The following MYH10 variants were observed in gnomAD, a reference collection of about 807,000 sequenced individuals.
MYH10 encodes myosin heavy chain 10.
MYH10 carries 55 observed loss-of-function variants against 257.8 expected under a neutral mutation model. The ratio of observed to expected loss-of-function variants is 0.21; its 90% confidence interval spans 0.17 to 0.27. The LOEUF is 0.27. Ranked by LOEUF, MYH10 falls within the 10% of genes least tolerant of loss-of-function variation. The probability of loss-of-function intolerance (pLI) is 1.00; values close to 1 mark genes in which losing one functional copy is unlikely to be tolerated. For missense variants in MYH10, 1,631 were observed against 2,500.6 expected (o/e 0.65, Z 7.42); for synonymous variants, 854 against 921.7 (o/e 0.93, Z 1.33).
At position 8,604,420 on chromosome 17, in the gene MYH10, T is replaced by C. The variant is rs563713843; in HGVS notation, c.502+406A>G. On this transcript the variant is annotated intron_variant, in intron 3 of 42. Coordinates refer to ENST00000360416, the MANE Select transcript of MYH10 (RefSeq NM_001256012.3). ...TGCTTTTTAACTTTTATTGTCACCC[T>C]TTTACATGCATTTAAATCACAAATA... is the stretch of plus-strand genomic sequence containing the variant. Among the ~76,000 whole-genome samples the C allele has an allele frequency of 1.6e-3, 244 of 152,320 alleles. 11 individuals carry two copies. In the South Asian group the frequency reaches 0.049, roughly 31 times the overall value.
At chr17:8,581,732 G>C (rs1414783899) in intron 4 of MYH10, among the ~76,000 whole-genome samples, 1 of 152,046 alleles carries the variant, frequency 6.6e-6, no homozygotes, top group Non-Finnish European at 1.5e-5. Context: ...CTCAACTAAA[G>C]CATATAGATG....
At chr17:8,584,838 T>C (rs1477211468) in intron 4 of MYH10, among the ~76,000 whole-genome samples, 6 of 152,170 alleles carry the variant, frequency 3.9e-5, no homozygotes, top group Non-Finnish European at 8.8e-5. Flanking sequence ...GTTGTATTTA[T>C]TTTTTATTTA....
At chr17:8,551,009 G>GCCGA (rs1350229568) in intron 9 of MYH10, among the ~76,000 whole-genome samples, 1 of 150,930 alleles carries the variant, frequency 6.6e-6, no homozygotes, top group Non-Finnish European at 1.5e-5. Context: ...ACTGCGGAAG[G>GCCGA]CCGCAGGGTC....
intron 6 of MYH10, among the ~76,000 whole-genome samples, chr17:8,575,457 T>C (rs2083468993): frequency 1.3e-5 from 2 of 152,192 alleles, no homozygotes; most frequent in African/African-American, 4.8e-5. Flanking sequence ...TTAAATACCC[T>C]ACAGGATAAT....
intron 2 of MYH10, among the ~76,000 whole-genome samples, chr17:8,615,707 T>C (rs1404079969): frequency 6.6e-6 from 1 of 152,182 alleles, no homozygotes; most frequent in Non-Finnish European, 1.5e-5. Flanking sequence ...CATTGAATAA[T>C]GGAAAAACAT....
intron 7 of MYH10, among the ~76,000 whole-genome samples, chr17:8,562,380 G>C (rs1308177869): frequency 6.6e-6 from 1 of 152,206 alleles, no homozygotes; most frequent in African/African-American, 2.4e-5. Context: ...GAGAATATCT[G>C]TTAAAAGTTA....
intron 4 of MYH10, among the ~76,000 whole-genome samples, chr17:8,582,396 T>A (rs1026852523): frequency 2.7e-5 from 4 of 147,800 alleles, no homozygotes; most frequent in African/African-American, 9.7e-5. Context: ...AATGAGATGT[T>A]AACGGTGAAG....
At chr17:8,616,536 A>T in intron 2 of MYH10, among the ~76,000 whole-genome samples, 2 of 152,144 alleles carry the variant, frequency 1.3e-5, no homozygotes, top group Non-Finnish European at 2.9e-5. Context: ...ACACCATTTA[A>T]ATAATATTCA....
chr17:8,486,531 T>C (rs1401328060), intron 36 of MYH10, among the ~76,000 whole-genome samples: 1 of 102,334 alleles, frequency 9.8e-6, no homozygotes, highest in Admixed American at 9.8e-5. Flanking sequence ...AAAAAATCTT[T>C]ATATTTAGCT....
intron 7 of MYH10, among the ~76,000 whole-genome samples, chr17:8,559,530 T>C (rs2082917392): frequency 6.6e-6 from 1 of 152,150 alleles, no homozygotes; most frequent in Non-Finnish European, 1.5e-5. Flanking sequence ...AATGAGTTAA[T>C]AATGAATCAA....
intron 37 of MYH10, among the ~76,000 whole-genome samples, chr17:8,482,781 G>A (rs1289655745): frequency 5.9e-5 from 9 of 152,244 alleles, no homozygotes; most frequent in Admixed American, 5.9e-4. Context: ...AAAAAACAGT[G>A]TGGTACAGAG....
chr17:8,573,642 C>T (rs527924895), intron 6 of MYH10, among the ~76,000 whole-genome samples: 5 of 152,308 alleles, frequency 3.3e-5, no homozygotes, highest in African/African-American at 9.6e-5. Context: ...GGAAAGAGGG[C>T]ACACAGAAGC....
intron 10 of MYH10, 102 bp from the exon 11 acceptor site, chr17:8,548,510 T>C (rs1245100106): frequency 7.1e-7 from 1 of 1,411,978 alleles, no homozygotes; most frequent in Non-Finnish European, 9.6e-7. Context: ...TACAAAACTT[T>C]TCAGTAAGAC....
At chr17:8,532,498 G>C (rs117688348) in intron 16 of MYH10, among the ~76,000 whole-genome samples, 1,760 of 152,280 alleles carry the variant, frequency 0.012, 15 homozygotes, top group Non-Finnish European at 0.021. Context: ...TCCAGACAGG[G>C]TCCTACCTGT....
chr17:8,549,395 A>G (rs530605895), intron 9 of MYH10, among the ~76,000 whole-genome samples: 1 of 152,236 alleles, frequency 6.6e-6, no homozygotes, highest in African/African-American at 2.4e-5. Context: ...ACCCGCACTG[A>G]CTACTGTACC....
At chr17:8,588,955 A>T (rs2152045255) in intron 4 of MYH10, 126 bp downstream of exon 4, 2 of 874,198 alleles carry the variant, frequency 2.3e-6, no homozygotes, top group East Asian at 5.2e-5. Context: ...GTCTTAAAAT[A>T]ACTGCGAGGT....
chr17:8,483,612 G>A (rs570540591), intron 37 of MYH10, among the ~76,000 whole-genome samples: 1 of 152,322 alleles, frequency 6.6e-6, no homozygotes, highest in South Asian at 2.1e-4. Context: ...ACGGTAATGT[G>A]TATATTTAAG....
chr17:8,496,905 G>C (rs992778507), intron 30 of MYH10, among the ~76,000 whole-genome samples: 1 of 152,180 alleles, frequency 6.6e-6, no homozygotes. Context: ...CTGGGAGTCT[G>C]CAATTTGGGT....
In MYH10 at chr17:8,535,700, G is replaced by T; in HGVS notation, c.1779+58C>A. On this transcript the variant is annotated intron_variant, in intron 15 of 42. Coordinates refer to ENST00000360416, the MANE Select transcript of MYH10 (RefSeq NM_001256012.3). This position sits in a 1 kb window ranked among gnomAD's most constrained non-coding sequence, Gnocchi z 4.3. ...ACCTTTGTTACACCTTCATAAAAAT[G>T]TAGCAAAATTTCAAACACAGCCATT... 1 of 1,533,302 alleles carries T rather than the reference G, an allele frequency of 6.5e-7. No individual in the cohort carries two copies. Among genetic ancestry groups the T allele is most frequent in the Non-Finnish European group, 8.9e-7 (1 of 1,120,434 alleles). 95.0% of individuals were successfully genotyped at this position (1,533,302 alleles called of 1,614,324 possible). A position where few individuals can be genotyped will look rare whatever the true frequency, so the allele number is the denominator to read the frequency against.
Sources: gnomAD v4.1 joint callset for allele counts (sites outside exome capture counted in the v4.1 genomes callset) on GRCh38, gnomAD v4.1.1 for gene constraint, Gnocchi (gnomAD v3.1) non-coding constraint, MANE v1.5 for transcripts, NCBI Gene and HGNC (gene_info 2026-07-23, HGNC 2026-07-21) for gene names.